CDH20: variants seen among roughly 807,000 people sequenced by gnomAD.
CDH20 encodes cadherin 20.
A neutral mutation model predicts 74.2 loss-of-function variants in CDH20; 29 were observed. The observed-to-expected ratio is 0.39, with a 90% CI of 0.29 to 0.53. The LOEUF is 0.53. Ranked by LOEUF, CDH20 falls within the 20% of genes least tolerant of loss-of-function variation. CDH20 has a pLI of 0.69. For synonymous variants in CDH20, 469 were observed against 405.4 expected (o/e 1.16, Z -1.88); for missense variants, 988 against 1,048.3 (o/e 0.94, Z 0.79).
intron 1 of CDH20, among the ~76,000 whole-genome samples, chr18:61,367,902 A>G (rs1221008854): frequency 6.6e-6 from 1 of 151,838 alleles, no homozygotes; most frequent in Non-Finnish European, 1.5e-5. Flanking sequence ...TGTGTTTTGT[A>G]TCATTTCCCC....
intron 1 of CDH20, among the ~76,000 whole-genome samples, chr18:61,464,603 A>G (rs528238782): frequency 6.6e-6 from 1 of 152,338 alleles, no homozygotes; most frequent in East Asian, 1.9e-4. Context: ...CCAGCAGGGT[A>G]GAGCTTGCTG....
At position 61,554,195 on chromosome 18, in the gene CDH20, G is replaced by A. The variant is rs1358140746; in HGVS notation, c.1906G>A (p.Val636Met). 2 of 1,609,344 alleles carry A rather than the reference G, an allele frequency of 1.2e-6. No individual in the cohort carries two copies. The highest frequency in any genetic ancestry group is 1.7e-6 in the Non-Finnish European group (2 of 1,176,360). Reference sequence around the variant, plus strand: ...CTCCTTTTTGTTCCTGGCAGTGCTGGTGTTGCTCATTTTGTCCATGAGGCG... The same window carrying A: ...CTCCTTTTTGTTCCTGGCAGTGCTGATGTTGCTCATTTTGTCCATGAGGCG... ...LACIFVLLVL[V>M]LLILSMRRHR... is the part of the protein sequence containing the mutation. The change falls in exon 12 of 12, where the codon GTG becomes ATG. Residue 636 changes from valine to methionine, a missense_variant. Physicochemically the swap from Val to Met is conservative, Grantham distance 21. Coordinates refer to ENST00000262717, the MANE Select transcript of CDH20 (RefSeq NM_031891.4).
At chr18:61,517,209 A>G (rs201754249) in intron 6 of CDH20, among the ~76,000 whole-genome samples, 5 of 152,342 alleles carry the variant, frequency 3.3e-5, no homozygotes, top group East Asian at 3.9e-4. Context: ...TGTATTCCAT[A>G]TTACATCAGA....
chr18:61,454,735 T>C (rs1178169177), intron 1 of CDH20, among the ~76,000 whole-genome samples: 1 of 152,206 alleles, frequency 6.6e-6, no homozygotes, highest in African/African-American at 2.4e-5. Context: ...AATCATCTTA[T>C]ATATAGTTCA....
intron 1 of CDH20, among the ~76,000 whole-genome samples, chr18:61,423,441 C>T (rs1042604987): frequency 4.0e-4 from 61 of 152,194 alleles, no homozygotes; most frequent in Non-Finnish European, 1.5e-4. Flanking sequence ...ATCCCATTCA[C>T]TTGTTTGTGA....
chr18:61,459,353 T>C (rs1338954460), intron 1 of CDH20, among the ~76,000 whole-genome samples: 1 of 152,196 alleles, frequency 6.6e-6, no homozygotes, highest in East Asian at 1.9e-4. Flanking sequence ...ATGGCAAGTT[T>C]CTATAAACAC....
At chr18:61,344,908 T>C (rs975494744) in intron 1 of CDH20, among the ~76,000 whole-genome samples, 6 of 152,214 alleles carry the variant, frequency 3.9e-5, no homozygotes, top group African/African-American at 1.4e-4. Flanking sequence ...TATGATTATC[T>C]CCTTTGGTTA....
At chr18:61,362,034 G>A (rs1910709654) in intron 1 of CDH20, among the ~76,000 whole-genome samples, 2 of 152,052 alleles carry the variant, frequency 1.3e-5, no homozygotes, top group African/African-American at 4.8e-5. Flanking sequence ...CTCCAGGGAG[G>A]GTGAGTGAAT....
At chr18:61,333,910 C>T (rs1259223103) in intron 1 of CDH20, 83 bp downstream of exon 1, 2 of 152,276 alleles carry the variant, frequency 1.3e-5, no homozygotes, top group African/African-American at 4.8e-5. Context: ...GGGCGAAATC[C>T]CCGGGCGGCG....
At chr18:61,419,678 T>G (rs181012627) in intron 1 of CDH20, among the ~76,000 whole-genome samples, 2 of 152,232 alleles carry the variant, frequency 1.3e-5, no homozygotes, top group Admixed American at 1.3e-4. Context: ...TACTCTCTGG[T>G]TCTTTTAATC....
chr18:61,426,382 T>C (rs1332942019), intron 1 of CDH20, among the ~76,000 whole-genome samples: 1 of 152,110 alleles, frequency 6.6e-6, no homozygotes, highest in Non-Finnish European at 1.5e-5. Flanking sequence ...TAGAAAGGGT[T>C]TGAAAATGAC....
chr18:61,491,372 G>A lies in CDH20; in HGVS notation c.246+573G>A, dbSNP rs552325415. Reference sequence around the variant, plus strand: ...TCATCTTTAATCCTGGATTTTTCCTGTGTTTACTTTATTGGGGTGTTAATT... The same window carrying A: ...TCATCTTTAATCCTGGATTTTTCCTATGTTTACTTTATTGGGGTGTTAATT... On this transcript the variant is annotated intron_variant, in intron 2 of 11. Transcript: ENST00000262717. Among the ~76,000 whole-genome samples the A allele has an allele frequency of 3.9e-5, 6 of 152,160 alleles. No homozygotes were observed. The East Asian group carries it at 1.2e-3, about 29-fold the overall frequency.
chr18:61,505,119 G>A (rs1392810971), intron 5 of CDH20, among the ~76,000 whole-genome samples: 1 of 152,054 alleles, frequency 6.6e-6, no homozygotes, highest in Non-Finnish European at 1.5e-5. Context: ...TGAACTACTT[G>A]GCTTTTTACA....
chr18:61,552,240 G>A (rs1439678152), intron 11 of CDH20, among the ~76,000 whole-genome samples: 2 of 150,744 alleles, frequency 1.3e-5, no homozygotes, highest in Non-Finnish European at 2.9e-5. Flanking sequence ...TCTACGCACC[G>A]TGCCTATAGT....
intron 1 of CDH20, among the ~76,000 whole-genome samples, chr18:61,478,468 G>A (rs993014194): frequency 2.6e-5 from 4 of 151,858 alleles, no homozygotes; most frequent in African/African-American, 9.7e-5. Flanking sequence ...TAAAGGTAGG[G>A]ATAAAGGTTC....
At chr18:61,538,927 C>T in intron 8 of CDH20, 97 bp from the exon 9 acceptor site, 1 of 1,399,412 alleles carries the variant, frequency 7.1e-7, no homozygotes, top group South Asian at 1.3e-5. Flanking sequence ...CCACTGCGCC[C>T]AGTCGTAAAT....
intron 2 of CDH20, among the ~76,000 whole-genome samples, chr18:61,494,828 G>A (rs539476331): frequency 1.1e-4 from 16 of 152,130 alleles, no homozygotes; most frequent in African/African-American, 2.4e-4. Context: ...AAATCATGCC[G>A]AGGTTAACAA....
intron 1 of CDH20, among the ~76,000 whole-genome samples, chr18:61,366,528 G>T (rs1008021740): frequency 2.6e-5 from 4 of 152,068 alleles, no homozygotes; most frequent in African/African-American, 7.2e-5. Context: ...TATAACAAGT[G>T]TTTGATTTTT....
chr18:61,537,150 T>A (rs1460517841), intron 8 of CDH20, among the ~76,000 whole-genome samples: 3 of 152,052 alleles, frequency 2.0e-5, no homozygotes, highest in East Asian at 1.9e-4. Context: ...ATAATAAAAA[T>A]TAGATTATGT....
Sources: gnomAD v4.1 joint callset for allele counts (sites outside exome capture counted in the v4.1 genomes callset) on GRCh38, gnomAD v4.1.1 for gene constraint, MANE v1.5 for transcripts, NCBI Gene and HGNC (gene_info 2026-07-23, HGNC 2026-07-21) for gene names.